Variants in DNAJC5B observed in about 807,000 individuals in gnomAD.
DNAJC5B encodes the protein DnaJ heat shock protein family (Hsp40) member C5 beta.
A neutral mutation model predicts 24.7 loss-of-function variants in DNAJC5B; 23 were observed. The ratio of observed to expected loss-of-function variants is 0.93; its 90% CI spans 0.67 to 1.32. DNAJC5B has a LOEUF of 1.32. Ranked by LOEUF, DNAJC5B falls within the 40% of genes most tolerant of loss-of-function variation. DNAJC5B has a pLI of 0.00. For synonymous variants in DNAJC5B, 101 were observed against 90.1 expected (o/e 1.12, Z -0.68); for missense variants, 238 against 240.8 (o/e 0.99, Z 0.08).
intron 1 of DNAJC5B, among the ~76,000 whole-genome samples, chr8:66,032,642 T>C (rs1266549956): frequency 6.6e-6 from 1 of 152,104 alleles, no homozygotes; most frequent in Non-Finnish European, 1.5e-5. Context: ...CCAATCCTGT[T>C]CCATCTCTCC....
At chr8:66,061,610 A>AGTGTGT (rs975887880) in intron 3 of DNAJC5B, among the ~76,000 whole-genome samples, 33 of 145,064 alleles carry the variant, frequency 2.3e-4, no homozygotes, top group Middle Eastern at 3.5e-3. Context: ...AGAGAGAGAG[A>AGTGTGT]GTGTGTGTGT....
chr8:66,046,388 G>A (rs373197327), intron 2 of DNAJC5B, among the ~76,000 whole-genome samples: 2 of 152,264 alleles, frequency 1.3e-5, no homozygotes, highest in South Asian at 2.1e-4. Flanking sequence ...GGCCCCTCAC[G>A]TCCTGCAGCT....
In DNAJC5B at chr8:66,061,462, G is replaced by A. The variant is rs75930072; in HGVS notation, c.119+9796G>A. ...CCAGGGTTTGGCACATGGGTACTGG[G>A]TGCTACAAAGGATATACAAGGGCCT... On this transcript the variant is annotated intron_variant, in intron 3 of 5. Transcript: ENST00000276570. 2.0e-3 allele frequency among the ~76,000 whole-genome samples: 299 copies of A among 152,192 alleles called. 3 individuals carry two copies. The highest frequency in any genetic ancestry group is 6.9e-3 in the African/African-American group (287 of 41,488).
intron 5 of DNAJC5B, among the ~76,000 whole-genome samples, chr8:66,084,027 A>C (rs1490286178): frequency 6.6e-6 from 1 of 152,242 alleles, no homozygotes; most frequent in Non-Finnish European, 1.5e-5. Flanking sequence ...AAGTTTCATT[A>C]ACTGTGCAGT....
At chr8:66,086,907 G>A (rs2128965901) in intron 5 of DNAJC5B, among the ~76,000 whole-genome samples, 1 of 152,228 alleles carries the variant, frequency 6.6e-6, no homozygotes, top group Non-Finnish European at 1.5e-5. Context: ...AAACTGATAT[G>A]GGGCAATCTT....
intron 3 of DNAJC5B, among the ~76,000 whole-genome samples, chr8:66,053,918 C>T (rs1239614764): frequency 1.3e-5 from 2 of 149,616 alleles, no homozygotes; most frequent in Non-Finnish European, 3.0e-5. Flanking sequence ...CGTGAGCCAC[C>T]GTGCCTGGCC....
chr8:66,100,049 G>A lies in DNAJC5B; in HGVS notation c.*18G>A. 1 of 1,607,962 alleles carries A rather than the reference G, an allele frequency of 6.2e-7. No individual in the cohort carries two copies. Among genetic ancestry groups the A allele is most frequent in the Non-Finnish European group, 8.5e-7 (1 of 1,175,278 alleles). On this transcript the variant is annotated 3_prime_UTR_variant, in exon 6 of 6. Coordinates refer to ENST00000276570, the MANE Select transcript of DNAJC5B (RefSeq NM_033105.6). ...ACTCTTGATATTGAGCCCTCAGAGA[G>A]TCCACAGTCCCTCCTCTCAGTTCAG... is the stretch of plus-strand genomic sequence containing the variant.
At chr8:66,075,686 A>G (rs1807447204) in intron 3 of DNAJC5B, among the ~76,000 whole-genome samples, 1 of 152,206 alleles carries the variant, frequency 6.6e-6, no homozygotes, top group Non-Finnish European at 1.5e-5. Flanking sequence ...AGAATGGATT[A>G]TACATCATGA....
At chr8:66,045,942 C>T (rs148630802) in intron 2 of DNAJC5B, among the ~76,000 whole-genome samples, 12 of 152,178 alleles carry the variant, frequency 7.9e-5, no homozygotes, top group South Asian at 4.1e-4. Context: ...TGCTGCCCAA[C>T]GCCAAACCTA....
chr8:66,095,535 TATTTTGTTC>T (rs1807932545), intron 5 of DNAJC5B, among the ~76,000 whole-genome samples: 1 of 151,988 alleles, frequency 6.6e-6, no homozygotes, highest in Admixed American at 6.6e-5. Flanking sequence ...TTTCTCAGTT[TATTTTGTTC>T]ATTTTCTAAC....
At chr8:66,023,611 C>G (rs1406532432) in intron 1 of DNAJC5B, among the ~76,000 whole-genome samples, 1 of 152,024 alleles carries the variant, frequency 6.6e-6, no homozygotes, top group African/African-American at 2.4e-5. Context: ...GTAGATAATA[C>G]TTTGTTTATG....
At chr8:66,064,414 G>C (rs928968139) in intron 3 of DNAJC5B, among the ~76,000 whole-genome samples, 23 of 152,162 alleles carry the variant, frequency 1.5e-4, no homozygotes, top group African/African-American at 5.3e-4. Flanking sequence ...AGTGCTTGCT[G>C]AGAGCTTTGA....
At chr8:66,092,304 G>C (rs1245480153) in intron 5 of DNAJC5B, among the ~76,000 whole-genome samples, 1 of 152,118 alleles carries the variant, frequency 6.6e-6, no homozygotes, top group Non-Finnish European at 1.5e-5. Context: ...GCAGCACAAC[G>C]AGTGGAGGAA....
At chr8:66,098,043 G>A (rs367688957) in intron 5 of DNAJC5B, among the ~76,000 whole-genome samples, 24 of 152,082 alleles carry the variant, frequency 1.6e-4, no homozygotes, top group African/African-American at 5.3e-4. Flanking sequence ...TAGTAGAGAC[G>A]GGGTTTCACC....
chr8:66,032,931 G>A (rs1330549345), intron 1 of DNAJC5B, among the ~76,000 whole-genome samples: 3 of 152,172 alleles, frequency 2.0e-5, no homozygotes, highest in Non-Finnish European at 4.4e-5. Context: ...TTTGCTCTAC[G>A]GAGTCCCCTT....
intron 1 of DNAJC5B, among the ~76,000 whole-genome samples, chr8:66,033,349 G>T (rs933838504): frequency 3.9e-5 from 6 of 152,252 alleles, no homozygotes; most frequent in African/African-American, 1.2e-4. Context: ...CCTCTGGTGT[G>T]CATGCTTTGC....
At chr8:66,055,037 G>A (rs1214009150) in intron 3 of DNAJC5B, among the ~76,000 whole-genome samples, 1 of 152,110 alleles carries the variant, frequency 6.6e-6, no homozygotes, top group East Asian at 1.9e-4. Flanking sequence ...ACTCTTAATT[G>A]TCTTTATTAA....
At chr8:66,079,130 TAACAAACAGCGAGCA>T (rs1807535934) in intron 4 of DNAJC5B, among the ~76,000 whole-genome samples, 1 of 152,212 alleles carries the variant, frequency 6.6e-6, no homozygotes, top group African/African-American at 2.4e-5. Flanking sequence ...TTTTTAGCTA[TAACAAACAGCGAGCA>T]AACCTTTCAT....
intron 1 of DNAJC5B, among the ~76,000 whole-genome samples, chr8:66,029,063 A>G (rs1389976826): frequency 1.3e-5 from 2 of 152,008 alleles, no homozygotes; most frequent in Non-Finnish European, 2.9e-5. Flanking sequence ...TGCTCATGCA[A>G]TTTCTTCAGC....
Sources: allele counts gnomAD v4.1 joint callset (sites outside exome capture counted in the v4.1 genomes callset), GRCh38; gene constraint gnomAD v4.1.1; transcripts MANE v1.5; gene names NCBI Gene and HGNC (gene_info 2026-07-23, HGNC 2026-07-21).